The following KLHL29 variants were observed in gnomAD, a reference collection of about 807,000 sequenced individuals.
KLHL29 encodes the protein kelch-like protein 29.
Under a neutral mutation model 80.4 loss-of-function variants are expected in KLHL29, and 21 were observed. The observed-to-expected ratio is 0.26, with a 90% CI of 0.19 to 0.38. The LOEUF (loss-of-function observed/expected upper bound fraction) is 0.38, where lower values mean the gene tolerates loss of function less well. Among genes scored for constraint, KLHL29 ranks in the 10% least tolerant of loss-of-function variants. The pLI is 1.00. For synonymous variants in KLHL29, 511 were observed against 526.8 expected (o/e 0.97, Z 0.41); for missense variants, 867 against 1,223.9 (o/e 0.71, Z 4.35).
intron 3 of KLHL29, among the ~76,000 whole-genome samples, chr2:23,600,912 T>C (rs1429607648): frequency 6.6e-6 from 1 of 152,238 alleles, no homozygotes; most frequent in Admixed American, 6.5e-5. Context: ...AACAGAATGA[T>C]AACCATCACT....
At chr2:23,417,090 G>A (rs995144092) in intron 1 of KLHL29, among the ~76,000 whole-genome samples, 3 of 152,050 alleles carry the variant, frequency 2.0e-5, no homozygotes, top group African/African-American at 7.2e-5. Flanking sequence ...ACATAGAGCT[G>A]TTCCCCGGGG....
intron 3 of KLHL29, among the ~76,000 whole-genome samples, chr2:23,625,387 C>T (rs1669282617): frequency 6.6e-6 from 1 of 152,190 alleles, no homozygotes; most frequent in Non-Finnish European, 1.5e-5. Context: ...TAAAATGAAC[C>T]ATGACAATGG....
rs900915040 is a variant in KLHL29, at chr2:23,529,147, A to G, written c.-45-33005A>G. ...TTTAGAGACAAGTTCTTGCTCTGTC[A>G]CGCAGGCTGCAGTGTGCAGTGGCAC... On this transcript the variant is annotated intron_variant, in intron 2 of 13. Transcript: ENST00000486442. 2.0e-5 allele frequency among the ~76,000 whole-genome samples: 3 copies of G among 152,238 alleles called. No individual in the cohort carries two copies. In the East Asian group the frequency reaches 5.8e-4, roughly 29 times the overall value.
intron 2 of KLHL29, among the ~76,000 whole-genome samples, chr2:23,476,015 A>C (rs1007266349): frequency 1.3e-5 from 2 of 152,200 alleles, no homozygotes; most frequent in African/African-American, 4.8e-5. Context: ...AGTAGCTGGG[A>C]CTACAGGCAT....
intron 2 of KLHL29, among the ~76,000 whole-genome samples, chr2:23,520,403 G>C (rs538764683): frequency 6.6e-6 from 1 of 152,206 alleles, no homozygotes; most frequent in African/African-American, 2.4e-5. Flanking sequence ...TCTGTGATTC[G>C]TTGACTACTT....
chr2:23,425,093 A>G (rs1361266778), intron 1 of KLHL29, among the ~76,000 whole-genome samples: 1 of 152,244 alleles, frequency 6.6e-6, no homozygotes, highest in East Asian at 1.9e-4. Flanking sequence ...GTGTCTTTAT[A>G]TATAATGAAC....
intron 1 of KLHL29, among the ~76,000 whole-genome samples, chr2:23,452,587 AGCCCCGCCTTT>A (rs1002055130): frequency 6.6e-6 from 1 of 152,144 alleles, no homozygotes; most frequent in Non-Finnish European, 1.5e-5. Flanking sequence ...TCATGCCATC[AGCCCCGCCTTT>A]GTGTCCTCAG....
intron 1 of KLHL29, among the ~76,000 whole-genome samples, chr2:23,386,842 G>C (rs967782540): frequency 1.3e-5 from 2 of 152,104 alleles, no homozygotes; most frequent in African/African-American, 4.8e-5. Context: ...GCGTTGCCTG[G>C]GGAAGGCGGG....
At position 23,596,494 on chromosome 2, in the gene KLHL29, C is replaced by T. The variant is rs1192026234; in HGVS notation, c.285+34013C>T. On this transcript the variant is annotated intron_variant, in intron 3 of 13. Coordinates refer to ENST00000486442, the MANE Select transcript of KLHL29 (RefSeq NM_052920.2). The surrounding 1 kb of genome is among the most constrained non-coding windows in gnomAD (Gnocchi z 4.4). The stretch of plus-strand genomic sequence containing the variant: ...CACTAGGAGGCTCGCTGTGATTTAT[C>T]AGGGGCCATGCCACACTGTCCTTGC... 2.0e-5 allele frequency among the ~76,000 whole-genome samples: 3 copies of T among 152,266 alleles called. No individual in the cohort carries two copies. The highest frequency in any genetic ancestry group is 2.4e-5 in the African/African-American group (1 of 41,556).
chr2:23,402,802 A>C (rs185319766), intron 1 of KLHL29, among the ~76,000 whole-genome samples: 2 of 152,284 alleles, frequency 1.3e-5, no homozygotes, highest in Non-Finnish European at 2.9e-5. Context: ...AATAGTTTTT[A>C]ATTAATAAGG....
chr2:23,520,473 T>C (rs1303983652), intron 2 of KLHL29, among the ~76,000 whole-genome samples: 2 of 152,184 alleles, frequency 1.3e-5, no homozygotes, highest in African/African-American at 4.8e-5. Flanking sequence ...CAAAGCTGGC[T>C]GTGTTTGCTT....
chr2:23,693,640 A>G, intron 8 of KLHL29, 112 bp downstream of exon 8: 1 of 1,158,694 alleles, frequency 8.6e-7, no homozygotes, highest in Non-Finnish European at 1.2e-6. Flanking sequence ...TGCTCTCCCT[A>G]AGTGGCAGAG....
intron 3 of KLHL29, among the ~76,000 whole-genome samples, chr2:23,607,613 G>T (rs1252611224): frequency 6.6e-6 from 1 of 152,206 alleles, no homozygotes; most frequent in Non-Finnish European, 1.5e-5. Context: ...TTAGGAAACA[G>T]GTGCACAGCA....
intron 3 of KLHL29, among the ~76,000 whole-genome samples, chr2:23,626,935 A>G (rs993233092): frequency 3.9e-5 from 6 of 152,050 alleles, no homozygotes; most frequent in African/African-American, 1.4e-4. Context: ...GCCAGGCCCA[A>G]CCTCCTCAGG....
intron 1 of KLHL29, among the ~76,000 whole-genome samples, chr2:23,444,651 C>T (rs1043682019): frequency 1.3e-5 from 2 of 152,094 alleles, no homozygotes; most frequent in African/African-American, 2.4e-5. Flanking sequence ...GATTCCTGTG[C>T]GTTAACATGT....
At chr2:23,705,177 G>A (rs1425099560) in intron 13 of KLHL29, among the ~76,000 whole-genome samples, 1 of 152,182 alleles carries the variant, frequency 6.6e-6, no homozygotes, top group Non-Finnish European at 1.5e-5. Context: ...GAGGATGCTC[G>A]CACCTTCTCT....
intron 1 of KLHL29, among the ~76,000 whole-genome samples, chr2:23,423,021 T>G (rs1442426568): frequency 6.6e-6 from 1 of 152,222 alleles, no homozygotes; most frequent in African/African-American, 2.4e-5. Context: ...AAGCAGCCCT[T>G]GAATGGGTCT....
Position 23,564,082 on chromosome 2 carries a change from G to C in KLHL29, c.285+1601G>C, listed in dbSNP as rs538382767. Among the ~76,000 whole-genome samples, 9 of 152,386 alleles carry C rather than the reference G, an allele frequency of 5.9e-5. 1 individual carries two copies. In the South Asian group the frequency reaches 1.7e-3, roughly 28 times the overall value. Reference sequence around the variant, plus strand: ...CAGCCGCTGGAACCGACTGCTCGGGGCTCCAGGTGGGAGAGAGAGGCTGGG... The same window carrying C: ...CAGCCGCTGGAACCGACTGCTCGGGCCTCCAGGTGGGAGAGAGAGGCTGGG... On this transcript the variant is annotated intron_variant, in intron 3 of 13. Transcript: ENST00000486442.
At chr2:23,492,724 G>C (rs1450266074) in intron 2 of KLHL29, among the ~76,000 whole-genome samples, 2 of 152,304 alleles carry the variant, frequency 1.3e-5, no homozygotes, top group African/African-American at 2.4e-5. Context: ...AGTCTCAAAG[G>C]CTGGTTGGGA....
Sources: gnomAD v4.1 joint callset for allele counts (sites outside exome capture counted in the v4.1 genomes callset) on GRCh38, gnomAD v4.1.1 for gene constraint, Gnocchi (gnomAD v3.1) non-coding constraint, MANE v1.5 for transcripts, NCBI Gene and HGNC (gene_info 2026-07-23, HGNC 2026-07-21) for gene names.